ADIPOR2: variants seen among roughly 807,000 people sequenced by gnomAD.
ADIPOR2 encodes the protein adiponectin receptor protein 2.
ADIPOR2 carries 18 observed loss-of-function variants against 40.9 expected under a neutral mutation model. That is an observed-to-expected ratio of 0.44 (90% CI 0.30 to 0.65). ADIPOR2 has a LOEUF of 0.65. Among genes scored for constraint, ADIPOR2 ranks in the 30% least tolerant of loss-of-function variants. ADIPOR2 has a pLI of 0.09. For missense variants in ADIPOR2, 283 were observed against 479.2 expected, an observed-to-expected ratio of 0.59 and a Z score of 3.82; for synonymous variants, 165 against 166.4, an observed-to-expected ratio of 0.99 and a Z score of 0.06.
At chr12:1,722,090 CAA>C (rs1315547952) in intron 1 of ADIPOR2, among the ~76,000 whole-genome samples, 2 of 152,214 alleles carry the variant, frequency 1.3e-5, no homozygotes, top group East Asian at 1.9e-4. Context: ...ATAAGGGTAA[CAA>C]GGGTGGAATT....
At chr12:1,779,736 T>C (rs1477860897) in intron 4 of ADIPOR2, among the ~76,000 whole-genome samples, 1 of 152,248 alleles carries the variant, frequency 6.6e-6, no homozygotes, top group Admixed American at 6.5e-5. Context: ...AAATCAAGTT[T>C]GTTGCTGACT....
rs1188860851 is a variant in ADIPOR2, at chr12:1,777,836, A to G, written c.292-18A>G. Reference sequence around the variant, plus strand: ...ACAACTAAAATCACAAAGATGTTTGATAATACCTCTCTGCCAGGTATGGGA... The same window carrying G: ...ACAACTAAAATCACAAAGATGTTTGGTAATACCTCTCTGCCAGGTATGGGA... On this transcript the variant is annotated intron_variant, in intron 3 of 7. Coordinates refer to ENST00000357103, the MANE Select transcript of ADIPOR2 (RefSeq NM_024551.3). The G allele has an allele frequency of 6.2e-7, 1 of 1,603,234 alleles. No individual in the cohort carries two copies. Among genetic ancestry groups the G allele is most frequent in the African/African-American group, 1.3e-5 (1 of 74,552 alleles).
intron 2 of ADIPOR2, among the ~76,000 whole-genome samples, chr12:1,764,558 A>AC (rs1862333582): frequency 2.4e-4 from 28 of 118,996 alleles, no homozygotes; most frequent in South Asian, 1.7e-3. Context: ...TAAAGTATTA[A>AC]ACACACACAC....
intron 1 of ADIPOR2, among the ~76,000 whole-genome samples, chr12:1,699,701 G>A (rs913621542): frequency 6.6e-6 from 1 of 152,152 alleles, no homozygotes; most frequent in Non-Finnish European, 1.5e-5. Flanking sequence ...GGCATATGTT[G>A]TCTCTCATCT....
chr12:1,777,371 ATTTTTTCTTTCTTT>A (rs1387157342), intron 3 of ADIPOR2, among the ~76,000 whole-genome samples: 2 of 111,786 alleles, frequency 1.8e-5, no homozygotes, highest in African/African-American at 6.5e-5. Context: ...TTAAAAGTAT[ATTTTTTCTTTCTTT>A]TTTTTTTTTT....
rs560735317 is a variant in ADIPOR2, at chr12:1,773,908, A to C, written c.291+947A>C. ...CTATTACTTTGGACCAGGGTATGAAAAGAGAACATTGTGATCTGAACATAG... is the reference window on the plus strand; with the variant it reads ...CTATTACTTTGGACCAGGGTATGAACAGAGAACATTGTGATCTGAACATAG... On this transcript the variant is annotated intron_variant, in intron 3 of 7. Transcript: ENST00000357103. Among the ~76,000 whole-genome samples the C allele has an allele frequency of 2.6e-5, 4 of 152,298 alleles. No homozygotes were observed. The East Asian group carries it at 7.7e-4, about 29-fold the overall frequency.
chr12:1,730,061 A>G (rs1321037619), intron 1 of ADIPOR2, among the ~76,000 whole-genome samples: 1 of 152,146 alleles, frequency 6.6e-6, no homozygotes, highest in Non-Finnish European at 1.5e-5. Context: ...CTGTATTACA[A>G]CAATATTACA....
At chr12:1,783,847 T>C (rs1249574249) in intron 6 of ADIPOR2, 33 bp from the exon 7 acceptor site, 5 of 1,507,276 alleles carry the variant, frequency 3.3e-6, no homozygotes, top group Non-Finnish European at 2.7e-6. Flanking sequence ...GTTTCTCTTC[T>C]GCATTACTTT....
At chr12:1,779,204 TA>T (rs961274815) in intron 4 of ADIPOR2, among the ~76,000 whole-genome samples, 3 of 152,116 alleles carry the variant, frequency 2.0e-5, no homozygotes, top group African/African-American at 7.2e-5. Context: ...CATGTTCACA[TA>T]AAAACATGAA....
At chr12:1,710,641 T>G (rs1333876753) in intron 1 of ADIPOR2, among the ~76,000 whole-genome samples, 1 of 152,074 alleles carries the variant, frequency 6.6e-6, no homozygotes, top group Non-Finnish European at 1.5e-5. Context: ...TTGGTTTGCC[T>G]GGAACCAGCT....
At chr12:1,782,678 C>T (rs1305293806) in intron 6 of ADIPOR2, among the ~76,000 whole-genome samples, 1 of 152,068 alleles carries the variant, frequency 6.6e-6, no homozygotes. Context: ...TAAAAAAATG[C>T]TGGTTGAGAC....
intron 1 of ADIPOR2, among the ~76,000 whole-genome samples, chr12:1,728,024 A>C (rs1185312654): frequency 6.6e-6 from 1 of 152,038 alleles, no homozygotes; most frequent in Non-Finnish European, 1.5e-5. Context: ...GCATTGATCA[A>C]ATTTGTGTAG....
chr12:1,717,136 G>A (rs1407668441), intron 1 of ADIPOR2, among the ~76,000 whole-genome samples: 4 of 152,178 alleles, frequency 2.6e-5, no homozygotes, highest in African/African-American at 4.8e-5. Flanking sequence ...AGCCTACTGT[G>A]ATAGGAATGG....
chr12:1,747,016 CAG>C (rs1411322093), intron 1 of ADIPOR2, among the ~76,000 whole-genome samples: 19 of 151,678 alleles, frequency 1.3e-4, no homozygotes, highest in African/African-American at 4.6e-4. Context: ...GTCTGGGCAA[CAG>C]AGTAAGACCT....
chr12:1,723,500 G>A (rs1034286847), intron 1 of ADIPOR2, among the ~76,000 whole-genome samples: 72 of 150,890 alleles, frequency 4.8e-4, no homozygotes, highest in Non-Finnish European at 9.4e-4. Flanking sequence ...AGCCAGGCGT[G>A]GTGGTGGGTG....
intron 2 of ADIPOR2, among the ~76,000 whole-genome samples, chr12:1,756,891 C>T (rs1346722934): frequency 3.3e-5 from 5 of 152,052 alleles, no homozygotes; most frequent in African/African-American, 9.7e-5. Flanking sequence ...AAGGCTGATT[C>T]TCTGAGCTGA....
intron 1 of ADIPOR2, among the ~76,000 whole-genome samples, chr12:1,725,648 T>A (rs1011711931): frequency 6.6e-6 from 1 of 152,222 alleles, no homozygotes; most frequent in Non-Finnish European, 1.5e-5. Flanking sequence ...ATTAAATGTT[T>A]ATCTTTGCCA....
chr12:1,701,127 CTTTTTTTTTT>C (rs34379541), intron 1 of ADIPOR2, among the ~76,000 whole-genome samples: 1 of 123,784 alleles, frequency 8.1e-6, no homozygotes, highest in East Asian at 2.3e-4. Flanking sequence ...TGGTGTTGAT[CTTTTTTTTTT>C]TTTTTTTTTG....
chr12:1,750,222 G>A (rs980712982), intron 1 of ADIPOR2, among the ~76,000 whole-genome samples: 1 of 152,026 alleles, frequency 6.6e-6, no homozygotes, highest in African/African-American at 2.4e-5. Context: ...AAATGGTATT[G>A]TTAAAAATTT....
Sources: allele counts gnomAD v4.1 joint callset (sites outside exome capture counted in the v4.1 genomes callset), GRCh38; gene constraint gnomAD v4.1.1; transcripts MANE v1.5; gene names NCBI Gene and HGNC (gene_info 2026-07-23, HGNC 2026-07-21).